IMMP2L: variants seen among roughly 807,000 people sequenced by gnomAD.
IMMP2L encodes mitochondrial inner membrane protease subunit 2.
A neutral mutation model predicts 19.3 loss-of-function variants in IMMP2L; 18 were observed. That is an observed-to-expected ratio of 0.93 (90% CI 0.64 to 1.38). The LOEUF is 1.38. IMMP2L is among the 40% of genes most tolerant of loss of function. IMMP2L has a pLI of 0.00. For synonymous variants in IMMP2L, 76 were observed against 73.0 expected (o/e 1.04, Z -0.21); for missense variants, 233 against 218.2 (o/e 1.07, Z -0.43).
intron 3 of IMMP2L, among the ~76,000 whole-genome samples, chr7:111,276,641 G>A (rs37744): frequency 0.59 from 78,121 of 131,920 alleles, 21,731 homozygotes; most frequent in South Asian, 0.72. Flanking sequence ...ATGTGGAACC[G>A]AAAAAAAAAA....
At chr7:110,873,561 C>T (rs994485642) in intron 5 of IMMP2L, among the ~76,000 whole-genome samples, 10 of 146,444 alleles carry the variant, frequency 6.8e-5, no homozygotes, top group African/African-American at 2.3e-4. Context: ...GTCAGGAGTT[C>T]GACACAAGCC....
intron 3 of IMMP2L, among the ~76,000 whole-genome samples, chr7:111,378,974 A>ACAAG (rs1372158938): frequency 1.3e-5 from 2 of 151,820 alleles, no homozygotes; most frequent in Admixed American, 6.6e-5. Context: ...TGAAACATAT[A>ACAAG]ATAACCATGT....
chr7:110,675,661 T>C (rs908069412), intron 5 of IMMP2L, among the ~76,000 whole-genome samples: 2 of 152,198 alleles, frequency 1.3e-5, no homozygotes, highest in Non-Finnish European at 2.9e-5. Context: ...TACTTTCTTA[T>C]CATAGTACTT....
intron 3 of IMMP2L, among the ~76,000 whole-genome samples, chr7:111,415,905 C>A (rs1395650565): frequency 2.6e-5 from 4 of 151,294 alleles, no homozygotes; most frequent in African/African-American, 9.8e-5. Flanking sequence ...AACAAAAAAA[C>A]AGAAAAAAAA....
intron 3 of IMMP2L, among the ~76,000 whole-genome samples, chr7:111,324,981 T>G (rs1237390860): frequency 6.6e-6 from 1 of 151,754 alleles, no homozygotes; most frequent in East Asian, 1.9e-4. Flanking sequence ...ATATGCAAAT[T>G]ATGGTGCCTG....
intron 2 of IMMP2L, among the ~76,000 whole-genome samples, chr7:111,519,916 A>G (rs1846189610): frequency 6.6e-6 from 1 of 152,092 alleles, no homozygotes; most frequent in African/African-American, 2.4e-5. Context: ...ACCAAAAGAT[A>G]CATGCTTGTG....
chr7:111,276,479 T>C (rs1212690321), intron 3 of IMMP2L, among the ~76,000 whole-genome samples: 1 of 152,064 alleles, frequency 6.6e-6, no homozygotes, highest in African/African-American at 2.4e-5. Flanking sequence ...TTAGGAAGAA[T>C]TCCCTCCCCC....
intron 5 of IMMP2L, among the ~76,000 whole-genome samples, chr7:110,802,417 T>C (rs534743080): frequency 3.4e-4 from 51 of 151,952 alleles, no homozygotes; most frequent in African/African-American, 1.2e-3. Context: ...TTTTTAATTA[T>C]ATTTTTCCCT....
intron 3 of IMMP2L, among the ~76,000 whole-genome samples, chr7:111,172,973 G>A (rs1806621855): frequency 6.6e-6 from 1 of 151,716 alleles, no homozygotes; most frequent in South Asian, 2.1e-4. Flanking sequence ...ATGGCAAAGA[G>A]AGAACTGTAA....
intron 4 of IMMP2L, among the ~76,000 whole-genome samples, chr7:110,952,151 A>G (rs184435055): frequency 6.6e-6 from 1 of 152,298 alleles, no homozygotes; most frequent in East Asian, 1.9e-4. Flanking sequence ...CAGAGAAAAA[A>G]AACATAAATT....
chr7:110,783,712 G>C (rs1799892806), intron 5 of IMMP2L, among the ~76,000 whole-genome samples: 1 of 151,844 alleles, frequency 6.6e-6, no homozygotes, highest in South Asian at 2.1e-4. Context: ...AGGTTACATT[G>C]TATTTTCAAT....
At chr7:111,439,049 T>A (rs1467460070) in intron 3 of IMMP2L, among the ~76,000 whole-genome samples, 1 of 151,590 alleles carries the variant, frequency 6.6e-6, no homozygotes, top group African/African-American at 2.4e-5. Context: ...CAAGCCGGGG[T>A]CCAGCAGTTA....
intron 3 of IMMP2L, chr7:111,392,955 A>G (rs1234250664): frequency 2.4e-6 from 1 of 411,754 alleles, no homozygotes; most frequent in African/African-American, 2.1e-5. Flanking sequence ...CCAATTATAA[A>G]AGTCTCAGAA....
chr7:111,532,477 T>C (rs974779926), intron 1 of IMMP2L: 1 of 152,162 alleles, frequency 6.6e-6, no homozygotes, highest in Admixed American at 6.6e-5. Flanking sequence ...AGAATGCAAA[T>C]GCCTTTACTA....
intron 3 of IMMP2L, among the ~76,000 whole-genome samples, chr7:111,467,321 T>C (rs1023152245): frequency 3.3e-5 from 5 of 152,186 alleles, no homozygotes; most frequent in Non-Finnish European, 7.4e-5. Flanking sequence ...TGACACATAG[T>C]AAGCTCTTAA....
chr7:111,195,733 G>A (rs1375169229), intron 3 of IMMP2L, among the ~76,000 whole-genome samples: 1 of 90 alleles, frequency 0.011, no homozygotes, highest in African/African-American at 0.071. Flanking sequence ...GTTTTCCAGA[G>A]CATGATAAAT....
intron 3 of IMMP2L, among the ~76,000 whole-genome samples, chr7:111,387,988 A>AAAAAAAAAAAAAAAAAAAAC (rs1563131624): frequency 6.6e-6 from 1 of 150,570 alleles, no homozygotes; most frequent in African/African-American, 2.5e-5. Context: ...AAAAAAAAAA[A>AAAAAAAAAAAAAAAAAAAAC]AAAAAAAAAA....
chr7:111,538,463 T>C (rs940110806), intron 1 of IMMP2L, among the ~76,000 whole-genome samples: 1 of 151,800 alleles, frequency 6.6e-6, no homozygotes, highest in Non-Finnish European at 1.5e-5. Context: ...AAGTGGTTTT[T>C]AAAAGAAATT....
At chr7:110,845,834 T>A (rs774847956) in intron 5 of IMMP2L, among the ~76,000 whole-genome samples, 7 of 152,132 alleles carry the variant, frequency 4.6e-5, no homozygotes, top group Non-Finnish European at 1.0e-4. Context: ...GGAGCCCTCA[T>A]GAACGAGACT....
Sources: gnomAD v4.1 joint callset for allele counts (sites outside exome capture counted in the v4.1 genomes callset) on GRCh38, gnomAD v4.1.1 for gene constraint, MANE v1.5 for transcripts, NCBI Gene and HGNC (gene_info 2026-07-23, HGNC 2026-07-21) for gene names.